Variants in SUV39H1 observed in about 807,000 individuals in gnomAD.
SUV39H1 encodes histone-lysine N-methyltransferase SUV39H1.
For synonymous variants in SUV39H1, 141 were observed against 150.5 expected (o/e 0.94, Z 0.46); for missense variants, 180 against 386.3 (o/e 0.47, Z 4.48).
Position 48,707,960 on chromosome X carries a change from C to T in SUV39H1, c.*390C>T, listed in dbSNP as rs2062497187. 1 of 259,814 alleles carries T rather than the reference C, an allele frequency of 3.8e-6. No individual in the cohort carries two copies. The highest frequency in any genetic ancestry group is 2.8e-5 in the African/African-American group (1 of 35,111). The allele number at this position is 259,814 out of a possible 1,213,427, so 21.4% of individuals were successfully genotyped here. On this transcript the variant is annotated 3_prime_UTR_variant, in exon 6 of 6. Transcript: ENST00000376687. The stretch of plus-strand genomic sequence containing the variant: ...TGAGGGGTCTGCTGCAGGCCTCCTC[C>T]CTGCTGCCCCAAAGGTATGGGGAAG...
Position 48,708,885 on chromosome X carries a change from C to T in SUV39H1, c.*1315C>T, listed in dbSNP as rs1015315911. On this transcript the variant is annotated 3_prime_UTR_variant, in exon 6 of 6. Coordinates refer to ENST00000376687, the MANE Select transcript of SUV39H1 (RefSeq NM_003173.4). ...TCAGATGCCAGATCTATGTGTCTGT[C>T]TGTGTGTCCATCCCGCCGGCCCCCC... 1.8e-5 allele frequency: 2 copies of T among 111,030 alleles called. No individual in the cohort carries two copies. The highest frequency in any genetic ancestry group is 3.8e-5 in the Non-Finnish European group (2 of 52,855). The allele number at this position is 111,030 out of a possible 1,213,427, so 9.2% of individuals were successfully genotyped here. A position where few individuals can be genotyped will look rare whatever the true frequency, so the allele number is the denominator to read the frequency against.
intron 1 of SUV39H1, 48 bp downstream of exon 1, chrX:48,696,851 G>A: frequency 2.0e-6 from 2 of 1,024,087 alleles, no homozygotes; most frequent in Admixed American, 4.3e-5. Context: ...GGGCCGGGTG[G>A]GCTGGAGGGG....
At chrX:48,706,735 G>A (rs782785988) in intron 5 of SUV39H1, 108 bp downstream of exon 5, 52 of 971,656 alleles carry the variant, frequency 5.4e-5, no homozygotes, top group South Asian at 2.5e-5. Context: ...ATTCTTTAGC[G>A]GGAGCTTTAA....
chrX:48,701,329 G>A (rs782232066), intron 3 of SUV39H1, among the ~76,000 whole-genome samples: 7 of 112,429 alleles, frequency 6.2e-5, no homozygotes, highest in African/African-American at 1.6e-4. Flanking sequence ...TAGTGACTTT[G>A]CACATTACAA....
chrX:48,696,975 G>A (rs1372977634), intron 1 of SUV39H1, among the ~76,000 whole-genome samples, 172 bp downstream of exon 1: 1 of 108,329 alleles, frequency 9.2e-6, no homozygotes, highest in Non-Finnish European at 1.9e-5. Flanking sequence ...GGGCTGGGCG[G>A]GGCTCAGGGG....
chrX:48,700,729 C>T lies in SUV39H1; in HGVS notation c.804C>T (p.Ser268=). ...CCCTGGAGAAGATTCGCAAGAACAGCTTCGTCATGGAGTACGTGGGAGAGG... is the reference window on the plus strand; with the variant it reads ...CCCTGGAGAAGATTCGCAAGAACAGTTTCGTCATGGAGTACGTGGGAGAGG... ...VRTLEKIRKN[S]FVMEYVGEII... is the part of the protein sequence containing the mutation. The change falls in exon 3 of 6, where the codon AGC becomes AGT. Residue 268 remains serine, a synonymous_variant. Coordinates refer to ENST00000376687, the MANE Select transcript of SUV39H1 (RefSeq NM_003173.4). 8.3e-7 allele frequency: 1 copy of T among 1,210,348 alleles called. No homozygotes were observed. Among genetic ancestry groups the T allele is most frequent in the Non-Finnish European group, 1.1e-6 (1 of 894,425 alleles).
At chrX:48,696,429 A>G (rs781927785), upstream of SUV39H1, among the ~76,000 whole-genome samples, 5 of 112,102 alleles carry the variant, frequency 4.5e-5, 1 homozygote, top group South Asian at 1.9e-3. Context: ...ACTGACGGTG[A>G]TAACAGGGAG....
At chrX:48,702,598 C>G (rs1196703701) in intron 3 of SUV39H1, among the ~76,000 whole-genome samples, 5 of 111,113 alleles carry the variant, frequency 4.5e-5, no homozygotes, top group African/African-American at 1.6e-4. Context: ...AGTATCTCAG[C>G]CTCACTGTAC....
chrX:48,707,054 C>T (rs991665930), intron 5 of SUV39H1, among the ~76,000 whole-genome samples: 2 of 110,256 alleles, frequency 1.8e-5, no homozygotes, highest in African/African-American at 6.6e-5. Context: ...AGGTCTTTGG[C>T]AGGAGAGTTC....
At chrX:48,696,707 C>T, upstream of SUV39H1, 2 of 1,108,200 alleles carry the variant, frequency 1.8e-6, no homozygotes, top group Non-Finnish European at 2.4e-6. Flanking sequence ...CAATAGGCTG[C>T]GCGTTCCCGG....
intron 3 of SUV39H1, among the ~76,000 whole-genome samples, chrX:48,703,973 CT>C (rs34687892): frequency 4.5e-3 from 426 of 95,042 alleles, no homozygotes; most frequent in Admixed American, 4.8e-3. Flanking sequence ...CAGGCTGTAG[CT>C]TTTTTTTTTT....
upstream of SUV39H1, chrX:48,695,765 T>C (rs151290255): frequency 3.3e-4 from 376 of 1,154,260 alleles, 1 homozygote; most frequent in African/African-American, 6.1e-3. Context: ...GGTTACGGAC[T>C]GTCTGCCCTG....
At chrX:48,696,865 C>T (rs1260508959) in intron 1 of SUV39H1, 62 bp downstream of exon 1, 44 of 937,968 alleles carry the variant, frequency 4.7e-5, no homozygotes, top group Non-Finnish European at 5.5e-6. Flanking sequence ...GGAGGGGTGG[C>T]GTTGCCGGCT....
At chrX:48,695,680 G>A (rs1449725968), upstream of SUV39H1, 2 of 1,122,457 alleles carry the variant, frequency 1.8e-6, no homozygotes, top group African/African-American at 3.6e-5. Context: ...TGTGATGAGG[G>A]GCGGATTGAA....
chrX:48,707,845 G>T lies in SUV39H1; in HGVS notation c.*275G>T. Reference sequence around the variant, plus strand: ...TCAACATCAAGACTCTCTGTCGTTGGGATTCATGGCCTATTAAGGAGGTCC... The same window carrying T: ...TCAACATCAAGACTCTCTGTCGTTGTGATTCATGGCCTATTAAGGAGGTCC... On this transcript the variant is annotated 3_prime_UTR_variant, in exon 6 of 6. Coordinates refer to ENST00000376687, the MANE Select transcript of SUV39H1 (RefSeq NM_003173.4). 2.4e-6 allele frequency: 1 copy of T among 416,133 alleles called. No homozygotes were observed. Among genetic ancestry groups the T allele is most frequent in the East Asian group, 5.4e-5 (1 of 18,635 alleles). 34.3% of individuals were successfully genotyped at this position (416,133 alleles called of 1,213,427 possible).
chrX:48,696,835 C>A, intron 1 of SUV39H1, 32 bp downstream of exon 1: 1 of 1,094,409 alleles, frequency 9.1e-7, no homozygotes, highest in Non-Finnish European at 1.2e-6. Context: ...CGCGGGCCCG[C>A]TGGCCGGGCC....
intron 1 of SUV39H1, among the ~76,000 whole-genome samples, chrX:48,697,746 AT>A (rs782196767): frequency 8.9e-6 from 1 of 112,407 alleles, no homozygotes; most frequent in South Asian, 3.6e-4. Flanking sequence ...AAAAGATGAT[AT>A]AGGATGAGGA....
At chrX:48,696,844 C>G in intron 1 of SUV39H1, 41 bp downstream of exon 1, 3 of 1,076,090 alleles carry the variant, frequency 2.8e-6, no homozygotes, top group Non-Finnish European at 3.7e-6. Context: ...GCTGGCCGGG[C>G]CGGGTGGGCT....
At chrX:48,701,124 A>T (rs2147273951) in intron 3 of SUV39H1, among the ~76,000 whole-genome samples, 1 of 111,279 alleles carries the variant, frequency 9.0e-6, no homozygotes. Context: ...CTCATTTCAC[A>T]AGGGCCCATC....
Sources: allele counts gnomAD v4.1 joint callset (sites outside exome capture counted in the v4.1 genomes callset), GRCh38; gene constraint gnomAD v4.1.1; transcripts MANE v1.5; gene names NCBI Gene and HGNC (gene_info 2026-07-23, HGNC 2026-07-21).